The following TTN variants were observed in gnomAD, a reference collection of about 807,000 sequenced individuals.
The protein encoded by TTN is titin.
In TTN, 1,525 loss-of-function variants were observed where a neutral mutation model predicts 3,223.0. The observed-to-expected ratio is 0.47, with a 90% CI of 0.45 to 0.49. The LOEUF is 0.49. TTN is among the 20% of genes least tolerant of loss of function. TTN has a pLI of 0.00. For missense variants in TTN, 40,786 were observed against 43,424.0 expected (o/e 0.94, Z 5.40); for synonymous variants, 14,094 against 15,161.0 (o/e 0.93, Z 5.17).
Position 178,579,968 on chromosome 2 carries a change from C to G in TTN, c.67319G>C (p.Gly22440Ala), listed in dbSNP as rs2047328766. Residue 22440 changes from glycine (G) to alanine (A), a missense_variant, in exon 318 of 363, where the codon GGT (glycine) becomes GCT (alanine). Physicochemically the swap from Gly to Ala is moderately conservative, Grantham distance 60. Transcript: ENST00000589042. Reference protein sequence around the residue: ...AENEYGIGDPGETRDAVKASQ... With the variant: ...AENEYGIGDPAETRDAVKASQ... The stretch of plus-strand genomic sequence containing the variant: ...AGCTTTGACAGCATCACGAGTTTCA[C>G]CGGGATCACCAATGCCATACTCATT... 6.2e-7 allele frequency: 1 copy of G among 1,613,064 alleles called. No homozygotes were observed. The highest frequency in any genetic ancestry group is 8.5e-7 in the Non-Finnish European group (1 of 1,179,498).
rs756584941 is a variant in TTN, at chr2:178,688,777, A to G, written c.32097T>C (p.Ala10699=). Residue 10699 remains alanine (A), a splice_region_variant and synonymous_variant, in exon 126 of 363, where the codon GCT becomes GCC. Transcript: ENST00000589042. The part of the protein sequence containing the change: ...PVAKKAPPPR[A]EVSKKTVVEE... ...CTACAACAGTTTTCTTAGAGACTTC[A>G]GCTTTAAGAAAGTGTTAAAGTTGAA... 6 of 1,595,722 alleles carry G rather than the reference A, an allele frequency of 3.8e-6. No homozygotes were observed. In the African/African-American group the frequency reaches 8.1e-5, roughly 21 times the overall value.
rs928219120 is a variant in TTN at position 178,568,749 on chromosome 2, C to G, written c.77383G>C (p.Val25795Leu). 3.7e-6 allele frequency: 6 copies of G among 1,612,866 alleles called. No homozygotes were observed. The African/African-American group carries it at 6.7e-5, about 18-fold the overall frequency. ...GCAGGTTTTACATCTGGCTCAATTA[C>G]CAGATCTTTGGCAACTATTGGAACT... ...LAVPIVAKDLVIEPDVKPAFS... is the reference protein window; with the variant it reads ...LAVPIVAKDLLIEPDVKPAFS... The change falls in exon 326 of 363, where the codon GTA (valine) becomes CTA (leucine). Residue 25795 changes from valine (V) to leucine (L), a missense_variant. By Grantham distance (32) the Val-to-Leu change is conservative. Transcript: ENST00000589042.
In TTN at chr2:178,652,014, A is replaced by G. The variant is rs764486611; in HGVS notation, c.39296-47T>C. 5.6e-6 allele frequency: 9 copies of G among 1,611,166 alleles called. No homozygotes were observed. In the South Asian group the frequency reaches 8.8e-5, roughly 16 times the overall value. On this transcript the variant is annotated intron_variant, in intron 204 of 362. Coordinates refer to ENST00000589042, the MANE Select transcript of TTN (RefSeq NM_001267550.2). ...TTAATGCCAGAATTGACTAAAACTGAGATAGTTTGCAAAAAAATGTTTTTA... is the reference window on the plus strand; with the variant it reads ...TTAATGCCAGAATTGACTAAAACTGGGATAGTTTGCAAAAAAATGTTTTTA...
Position 178,723,971 on chromosome 2 carries a change from A to C in TTN, c.21288T>G (p.Asp7096Glu). 1 of 1,613,624 alleles carries C rather than the reference A, an allele frequency of 6.2e-7. No individual in the cohort carries two copies. The highest frequency in any genetic ancestry group is 1.1e-5 in the South Asian group (1 of 91,072). ...AATTCAACTGCAATGTGCAGACATT[A>C]TCTGAAAATGTGGTTTGGTACTTTG... ...SGAKYQTTFS[D>E]NVCTLQLNSL... is the part of the protein sequence containing the mutation. Residue 7096 changes from aspartate (D) to glutamate (E), a missense_variant, in exon 73 of 363, where the codon GAT becomes GAG. Physicochemically the swap from Asp to Glu is conservative, Grantham distance 45 (BLOSUM62 2). Coordinates refer to ENST00000589042, the MANE Select transcript of TTN (RefSeq NM_001267550.2).
chr2:178,712,626 A>C (rs760662417), intron 94 of TTN, 33 bp from the exon 95 acceptor site: 2 of 1,606,234 alleles, frequency 1.2e-6, no homozygotes, highest in Non-Finnish European at 8.5e-7. Context: ...ATAAAATCAA[A>C]CACATATACA....
At position 178,679,359 on chromosome 2, in the gene TTN, T is replaced by C; in HGVS notation, c.33722A>G (p.Glu11241Gly). ...EKVPVLIPKKEKPPPAKVPEV... is the reference protein window; with the variant it reads ...EKVPVLIPKKGKPPPAKVPEV... ...TGTACCTTTTGCTGGCGGAGGCTTCTCCTTTTTAGGAATAAGCACAGGAAC... is the reference window on the plus strand; with the variant it reads ...TGTACCTTTTGCTGGCGGAGGCTTCCCCTTTTTAGGAATAAGCACAGGAAC... The change falls in exon 142 of 363, where the codon GAG becomes GGG. Residue 11241 changes from glutamate to glycine, a missense_variant. Transcript: ENST00000589042. 6.2e-7 allele frequency: 1 copy of C among 1,612,718 alleles called. No homozygotes were observed.
chr2:178,765,943 C>A (rs1405097710), intron 41 of TTN, among the ~76,000 whole-genome samples: 1 of 152,124 alleles, frequency 6.6e-6, no homozygotes, highest in Non-Finnish European at 1.5e-5. Context: ...GCTCTCTAGG[C>A]CTTCCAGGGT....
In TTN at chr2:178,672,157, C is replaced by T. The variant is rs557526069; in HGVS notation, c.35041G>A (p.Glu11681Lys). 3.9e-5 allele frequency: 63 copies of T among 1,598,508 alleles called. 2 individuals carry two copies. The South Asian group carries it at 6.8e-4, about 17-fold the overall frequency. ...VEAEVEEIPE[E>K]EEFHEVEEYF... is the part of the protein sequence containing the mutation. ...TCTTCAACTTCATGGAACTCTTCTT[C>T]TTCCGGAATTTCTTCCACTTCTGCT... The change falls in exon 155 of 363, where the codon GAA (glutamate) becomes AAA (lysine). Residue 11681 changes from glutamate to lysine, a missense_variant. Physicochemically the swap from Glu to Lys is moderately conservative, Grantham distance 56. Coordinates refer to ENST00000589042, the MANE Select transcript of TTN (RefSeq NM_001267550.2).
chr2:178,577,409 G>A lies in TTN; in HGVS notation c.68926C>T (p.Leu22976Phe). Residue 22976 changes from leucine (L) to phenylalanine (F), a missense_variant, in exon 324 of 363, where the codon CTT (leucine) becomes TTT (phenylalanine). Leu to Phe is a conservative substitution (Grantham distance 22). Transcript: ENST00000589042. ...LNAISILGKP[L>F]PKSSWSKAGK... is the part of the protein sequence containing the mutation. ...GCCTTGGACCAACTTGATTTTGGAA[G>A]GGGTTTGCCAAGAATGCTAATGGCA... The A allele has an allele frequency of 6.2e-7, 1 of 1,612,516 alleles. No individual in the cohort carries two copies. Among genetic ancestry groups the A allele is most frequent in the Non-Finnish European group, 8.5e-7 (1 of 1,179,412 alleles).
intron 135 of TTN, among the ~76,000 whole-genome samples, chr2:178,681,945 A>C (rs2069511543): frequency 6.6e-6 from 1 of 151,992 alleles, no homozygotes; most frequent in South Asian, 2.1e-4. Context: ...TAATTCTTAC[A>C]TATTAAAATT....
Position 178,583,653 on chromosome 2 carries a change from G to T in TTN, c.65529C>A (p.Ser21843Arg). The T allele has an allele frequency of 6.2e-7, 1 of 1,611,834 alleles. No homozygotes were observed. The highest frequency in any genetic ancestry group is 8.5e-7 in the Non-Finnish European group (1 of 1,178,900). Residue 21843 changes from serine (S) to arginine (R), a missense_variant, in exon 312 of 363, where the codon AGC becomes AGA. Physicochemically the swap from Ser to Arg is moderately radical, Grantham distance 110. Coordinates refer to ENST00000589042, the MANE Select transcript of TTN (RefSeq NM_001267550.2). ...RAIARTAVNI[S>R]PPSEPSDPVT... is the part of the protein sequence containing the mutation. Reference sequence around the variant, plus strand: ...CTGGATCAGAAGGTTCAGAAGGTGGGCTAATGTTTACCGCGGTCCTGGCAA... The same window carrying T: ...CTGGATCAGAAGGTTCAGAAGGTGGTCTAATGTTTACCGCGGTCCTGGCAA...
Position 178,576,160 on chromosome 2 carries a change from A to G in TTN, c.69972T>C (p.Val23324=). ...CATCTGGAATCACCGCTGGCTCCCC[A>G]ACACCTGCATCGTTGATGGCACTGA... ...FRISAINDAG[V]GEPAVIPDVE... The change falls in exon 326 of 363, where the codon GTT becomes GTC. Residue 23324 remains valine, a synonymous_variant. Transcript: ENST00000589042. The surrounding 1 kb of genome is among the most constrained non-coding windows in gnomAD (Gnocchi z 4.3). 6.2e-7 allele frequency: 1 copy of G among 1,613,242 alleles called. No homozygotes were observed.
chr2:178,758,132 T>C (rs2087867546), intron 44 of TTN, among the ~76,000 whole-genome samples: 1 of 152,202 alleles, frequency 6.6e-6, no homozygotes, highest in African/African-American at 2.4e-5. Context: ...GCTAAGGAAC[T>C]TCACTACATT....
Position 178,604,196 on chromosome 2 carries a change from T to A in TTN, c.54491A>T (p.Tyr18164Phe), listed in dbSNP as rs2054205447. 1.2e-6 allele frequency: 2 copies of A among 1,611,966 alleles called. No individual in the cohort carries two copies. The highest frequency in any genetic ancestry group is 1.1e-5 in the South Asian group (1 of 90,872). The change falls in exon 282 of 363, where the codon TAT becomes TTT. Residue 18164 changes from tyrosine (Y) to phenylalanine (F), a missense_variant. Transcript: ENST00000589042. ...KSDKVVIQDP[Y>F]RLPGPPGKPK... ...TTTTCCTGGAGGTCCAGGAAGGCGA[T>A]AAGGATCTTGAATGACTACTTTATC... is the stretch of plus-strand genomic sequence containing the variant.
chr2:178,563,069 C>T lies in TTN; in HGVS notation c.83063G>A (p.Arg27688His), dbSNP rs185002960. Reference sequence around the variant, plus strand: ...AAATAAGCGTAAAGTAGCACTTGCACGCAGAACGACCACCTTTCTGAGATC... The same window carrying T: ...AAATAAGCGTAAAGTAGCACTTGCATGCAGAACGACCACCTTTCTGAGATC... Reference protein sequence around the residue: ...DADLRKVVVLRASATLRLFVT... With the variant: ...DADLRKVVVLHASATLRLFVT... Residue 27688 changes from arginine to histidine, a missense_variant, in exon 326 of 363, where the codon CGT becomes CAT. By Grantham distance (29) the Arg-to-His change is conservative. Coordinates refer to ENST00000589042, the MANE Select transcript of TTN (RefSeq NM_001267550.2). This position sits in a 1 kb window ranked among gnomAD's most constrained non-coding sequence, Gnocchi z 4.5. 3,153 of 1,613,640 alleles carry T rather than the reference C, an allele frequency of 2.0e-3. 46 individuals carry two copies. The highest frequency in any genetic ancestry group is 9.0e-4 in the Non-Finnish European group (1,064 of 1,179,708).
rs766986727 is a variant in TTN, at chr2:178,735,563, T to C, written c.14883A>G (p.Thr4961=). 1 of 1,609,612 alleles carries C rather than the reference T, an allele frequency of 6.2e-7. No individual in the cohort carries two copies. The highest frequency in any genetic ancestry group is 1.1e-5 in the South Asian group (1 of 89,870). The change falls in exon 50 of 363, where the codon ACA becomes ACG. Residue 4961 remains threonine (T), a synonymous_variant. Transcript: ENST00000589042. ...AGCTGCTTCCAGCCTCATTTGAAGC[T>C]GTACAGACATAGGTTCCTGAATCTT... ...KLKDSGTYVC[T]ASNEAGSSSC...
chr2:178,617,238 C>T lies in TTN; in HGVS notation c.47761-4G>A, dbSNP rs564918195. ...TTCCTTTTTCCAATCCGGTAACCTA[C>T]GATTATGAATTAATATTTGTAAAAA... is the stretch of plus-strand genomic sequence containing the variant. On this transcript the variant is annotated splice_region_variant and splice_polypyrimidine_tract_variant and intron_variant, in intron 254 of 362. Transcript: ENST00000589042. 8.6e-5 allele frequency: 132 copies of T among 1,539,016 alleles called. No individual in the cohort carries two copies. The highest frequency in any genetic ancestry group is 1.0e-4 in the Non-Finnish European group (114 of 1,144,452).
rs765718348 is a variant in TTN, at chr2:178,569,055, T to C, written c.77077A>G (p.Ile25693Val). The change falls in exon 326 of 363, where the codon ATT (isoleucine) becomes GTT (valine). Residue 25693 changes from isoleucine to valine, a missense_variant. Physicochemically the swap from Ile to Val is conservative, Grantham distance 29 (BLOSUM62 3). Transcript: ENST00000589042. ...IGLPAQTADP[I>V]KVAEVPQPPG... The stretch of plus-strand genomic sequence containing the variant: ...GGTTGTGGCACTTCTGCAACCTTAA[T>C]TGGATCAGCAGTCTGGGCAGGAAGG... The C allele has an allele frequency of 3.1e-6, 5 of 1,613,302 alleles. No individual in the cohort carries two copies. The highest frequency in any genetic ancestry group is 1.1e-5 in the South Asian group (1 of 91,018).
Position 178,550,440 on chromosome 2 carries a change from T to C in TTN, c.91565-167A>G, listed in dbSNP as rs16866396. 8,397 of 593,802 alleles carry C rather than the reference T, an allele frequency of 0.014. 494 individuals are homozygous for C. The highest frequency in any genetic ancestry group is 0.13 in the Admixed American group (3,942 of 29,952). 36.8% of individuals were successfully genotyped at this position (593,802 alleles called of 1,614,324 possible). A position where few individuals can be genotyped will look rare whatever the true frequency, so the allele number is the denominator to read the frequency against. The stretch of plus-strand genomic sequence containing the variant: ...GATTGATAATTGAGAATTTGGACTA[T>C]GGGGTTAAATATTTGCCTATTATTA... On this transcript the variant is annotated intron_variant, in intron 336 of 362. Transcript: ENST00000589042.
Sources: gnomAD v4.1 joint callset for allele counts (sites outside exome capture counted in the v4.1 genomes callset) on GRCh38, gnomAD v4.1.1 for gene constraint, Gnocchi (gnomAD v3.1) non-coding constraint, MANE v1.5 for transcripts, NCBI Gene and HGNC (gene_info 2026-07-23, HGNC 2026-07-21) for gene names.